The following PTGS1 variants were observed in gnomAD, a reference collection of about 807,000 sequenced individuals.
PTGS1 encodes prostaglandin G/H synthase 1.
A neutral mutation model predicts 63.0 loss-of-function variants in PTGS1; 40 were observed. The ratio of observed to expected loss-of-function variants is 0.63; its 90% CI spans 0.49 to 0.83. The LOEUF is 0.83. Ranked by LOEUF, PTGS1 falls within the 40% of genes least tolerant of loss-of-function variation. The probability of loss-of-function intolerance (pLI) is 0.00; values close to 1 mark genes in which losing one functional copy is unlikely to be tolerated. For missense variants in PTGS1, 709 were observed against 786.5 expected (o/e 0.90, Z 1.18); for synonymous variants, 298 against 301.9 (o/e 0.99, Z 0.13).
intron 2 of PTGS1, 142 bp downstream of exon 2, chr9:122,371,414 T>A (rs1836800220): frequency 7.1e-7 from 1 of 1,411,944 alleles, no homozygotes; most frequent in Non-Finnish European, 9.4e-7. Context: ...AGTCTTTTGG[T>A]GGGATGGGGG....
intron 9 of PTGS1, among the ~76,000 whole-genome samples, chr9:122,387,204 T>C (rs1168245761): frequency 6.6e-6 from 1 of 151,490 alleles, no homozygotes; most frequent in East Asian, 2.0e-4. Flanking sequence ...GAAGGAGGGA[T>C]AGAGATTTCC....
At chr9:122,389,177 A>C (rs28660644) in intron 9 of PTGS1, among the ~76,000 whole-genome samples, 4 of 117,088 alleles carry the variant, frequency 3.4e-5, no homozygotes, top group Non-Finnish European at 6.8e-5. Context: ...TTGAGATACA[A>C]TCTTGCTCTC....
rs748974760 is a variant in PTGS1 at position 122,378,841 on chromosome 9, CTT to C, written c.421_422del (p.Phe141LeufsTer15). 2 of 1,614,224 alleles carry C rather than the reference CTT, an allele frequency of 1.2e-6. No individual in the cohort carries two copies. Among genetic ancestry groups the C allele is most frequent in the South Asian group, 2.2e-5 (2 of 91,086 alleles). On this transcript the variant is annotated frameshift_variant, in exon 5 of 11. Coordinates refer to ENST00000362012, the MANE Select transcript of PTGS1 (RefSeq NM_000962.4). LOFTEE classifies it high-confidence loss of function. The stretch of plus-strand genomic sequence containing the variant: ...GCACATGACTACATCAGCTGGGAGT[CTT>C]TCTCCAACGTGAGCTATTACACTCG...
In PTGS1 at chr9:122,386,672, G is replaced by A; in HGVS notation, c.1236G>A (p.Met412Ile). Residue 412 changes from methionine to isoleucine, a missense_variant, in exon 9 of 11, where the codon ATG becomes ATA. By Grantham distance (10) the Met-to-Ile change is conservative. Transcript: ENST00000362012. ...SYEQFLFNTSMLVDYGVEALV... is the reference protein window; with the variant it reads ...SYEQFLFNTSILVDYGVEALV... ...AGCAGTTCTTGTTCAACACCTCCAT[G>A]TTGGTGGACTATGGGGTTGAGGCCC... The A allele has an allele frequency of 6.2e-7, 1 of 1,614,224 alleles. No individual in the cohort carries two copies. Among genetic ancestry groups the A allele is most frequent in the South Asian group, 1.1e-5 (1 of 91,090 alleles).
chr9:122,379,877 C>G (rs905107043), intron 5 of PTGS1, among the ~76,000 whole-genome samples: 1 of 152,158 alleles, frequency 6.6e-6, no homozygotes, highest in Admixed American at 6.5e-5. Flanking sequence ...GATCTTGAAC[C>G]TTCAACATCA....
chr9:122,372,150 C>A (rs963723256), intron 2 of PTGS1, among the ~76,000 whole-genome samples: 2 of 152,146 alleles, frequency 1.3e-5, no homozygotes, highest in Non-Finnish European at 2.9e-5. Context: ...TCCTCCACCA[C>A]CTAGCTGTGT....
At chr9:122,379,940 A>T (rs901376295) in intron 5 of PTGS1, among the ~76,000 whole-genome samples, 5 of 152,218 alleles carry the variant, frequency 3.3e-5, no homozygotes, top group Non-Finnish European at 7.3e-5. Flanking sequence ...AACTCAAAAA[A>T]TTCTATTCCT....
At chr9:122,379,481 C>T (rs1297817905) in intron 5 of PTGS1, among the ~76,000 whole-genome samples, 1 of 152,196 alleles carries the variant, frequency 6.6e-6, no homozygotes, top group African/African-American at 2.4e-5. Flanking sequence ...AAGAGAGGCT[C>T]ATCAGTCCAC....
At chr9:122,371,877 C>T (rs77329588) in intron 2 of PTGS1, 32,428 of 1,388,742 alleles carry the variant, frequency 0.023, 471 homozygotes, top group Non-Finnish European at 0.029. Context: ...ACATGGTGGG[C>T]CCAGGATCTG....
chr9:122,370,730 C>G (rs1051814304), upstream of PTGS1: 5 of 510,976 alleles, frequency 9.8e-6, no homozygotes, highest in Non-Finnish European at 7.0e-6. Flanking sequence ...GTGGTTCAGA[C>G]GAGCCGCTTC....
At position 122,377,857 on chromosome 9, in the gene PTGS1, G is replaced by A; in HGVS notation, c.95-42G>A. The A allele has an allele frequency of 1.9e-6, 3 of 1,568,820 alleles. No individual in the cohort carries two copies. In the South Asian group the frequency reaches 3.3e-5, roughly 17 times the overall value. On this transcript the variant is annotated intron_variant, in intron 2 of 10. Coordinates refer to ENST00000362012, the MANE Select transcript of PTGS1 (RefSeq NM_000962.4). ...TCAGGGGCTAGATGGGGGTCAGGAGGCCACCCTAGCATGGTCTCTGACCTC... is the reference window on the plus strand; with the variant it reads ...TCAGGGGCTAGATGGGGGTCAGGAGACCACCCTAGCATGGTCTCTGACCTC...
At chr9:122,391,268 A>G (rs528608682) in intron 10 of PTGS1, among the ~76,000 whole-genome samples, 2 of 145,586 alleles carry the variant, frequency 1.4e-5, no homozygotes, top group African/African-American at 5.0e-5. Flanking sequence ...GTATATATAC[A>G]TATATATCAA....
chr9:122,377,446 C>T (rs977016539), intron 2 of PTGS1, among the ~76,000 whole-genome samples: 3 of 152,222 alleles, frequency 2.0e-5, no homozygotes, highest in Non-Finnish European at 2.9e-5. Flanking sequence ...TCCCCGTCCT[C>T]GTCCTCGTCC....
chr9:122,372,249 G>A (rs1469059543), intron 2 of PTGS1, among the ~76,000 whole-genome samples: 1 of 152,128 alleles, frequency 6.6e-6, no homozygotes, highest in Admixed American at 6.5e-5. Context: ...TCTGGTGCGT[G>A]GGGGAAAGAG....
rs377389080 is a variant in PTGS1, at chr9:122,371,105, C to G, written c.7+14C>G. The stretch of plus-strand genomic sequence containing the variant: ...GCGCCATGAGCCGTGAGTGCGACCC[C>G]GGTGCCCGGTGGGGAATTTTCTTGG... On this transcript the variant is annotated intron_variant, in intron 1 of 10. Transcript: ENST00000362012. 9 of 1,603,344 alleles carry G rather than the reference C, an allele frequency of 5.6e-6. No homozygotes were observed. The African/African-American group carries it at 1.2e-4, about 21-fold the overall frequency.
At chr9:122,386,392 G>T in intron 8 of PTGS1, 54 bp from the exon 9 acceptor site, 1 of 1,578,406 alleles carries the variant, frequency 6.3e-7, no homozygotes, top group Non-Finnish European at 8.7e-7. Context: ...TTCCAAGCTG[G>T]GCATCTAAAT....
chr9:122,378,839 G>A lies in PTGS1; in HGVS notation c.417G>A (p.Glu139=), dbSNP rs768757555. The change falls in exon 5 of 11, where the codon GAG becomes GAA. Residue 139 remains glutamate, a synonymous_variant. Transcript: ENST00000362012. ...YNSAHDYISW[E]SFSNVSYYTR... ...CAGCACATGACTACATCAGCTGGGA[G>A]TCTTTCTCCAACGTGAGCTATTACA... 1 of 1,614,126 alleles carries A rather than the reference G, an allele frequency of 6.2e-7. No homozygotes were observed. The highest frequency in any genetic ancestry group is 1.3e-5 in the African/African-American group (1 of 74,946).
At chr9:122,374,146 C>A (rs141331770) in intron 2 of PTGS1, among the ~76,000 whole-genome samples, 31 of 152,250 alleles carry the variant, frequency 2.0e-4, no homozygotes, top group Admixed American at 7.8e-4. Context: ...AGCAGCTTGG[C>A]CTTTGGGCTG....
chr9:122,375,831 A>G (rs1015490408), intron 2 of PTGS1, among the ~76,000 whole-genome samples: 1 of 151,884 alleles, frequency 6.6e-6, no homozygotes, highest in Non-Finnish European at 1.5e-5. Context: ...AGCTGCACGG[A>G]CCTCTGGAGT....
Sources: allele counts gnomAD v4.1 joint callset (sites outside exome capture counted in the v4.1 genomes callset), GRCh38; gene constraint gnomAD v4.1.1; transcripts MANE v1.5; gene names NCBI Gene and HGNC (gene_info 2026-07-23, HGNC 2026-07-21).